ATM: variants seen among roughly 807,000 people sequenced by gnomAD.
The protein encoded by ATM is ATM serine/threonine kinase, also known as serine-protein kinase ATM.
ATM carries 308 observed loss-of-function variants against 387.0 expected under a neutral mutation model. The ratio of observed to expected loss-of-function variants is 0.80; its 90% CI spans 0.73 to 0.87. The LOEUF is 0.87. Ranked by LOEUF, ATM falls within the 40% of genes least tolerant of loss-of-function variation. The pLI is 0.00. For missense variants in ATM, 3,312 were observed against 3,560.9 expected (o/e 0.93, Z 1.78); for synonymous variants, 1,156 against 1,187.3 (o/e 0.97, Z 0.54).
chr11:108,319,125 C>T (rs1280732744), intron 43 of ATM, among the ~76,000 whole-genome samples: 6 of 151,808 alleles, frequency 4.0e-5, no homozygotes, highest in Admixed American at 6.6e-5. Flanking sequence ...TGCAGTGAGC[C>T]GAGATCATGC....
At chr11:108,272,406 C>T (rs1163448426) in intron 20 of ATM, 126 bp from the exon 21 acceptor site, 3 of 817,018 alleles carry the variant, frequency 3.7e-6, no homozygotes, top group East Asian at 2.6e-5. Context: ...GCATATTCCA[C>T]ATAATGACAA....
chr11:108,317,525 A>G lies in ATM; in HGVS notation c.6347+4A>G, dbSNP rs1342227995. On this transcript the variant is annotated splice_donor_region_variant and intron_variant, in intron 43 of 62. Transcript: ENST00000675843. ...GGGACCATTGCACTTCCGTCAGGTA[A>G]GAAATTTGACTTGATTTTTTTTTTT... is the stretch of plus-strand genomic sequence containing the variant. The G allele has an allele frequency of 1.2e-6, 2 of 1,600,640 alleles. No homozygotes were observed. Among genetic ancestry groups the G allele is most frequent in the East Asian group, 2.3e-5 (1 of 44,418 alleles).
At chr11:108,233,866 T>G (rs1302407881) in intron 4 of ATM, among the ~76,000 whole-genome samples, 2 of 134,944 alleles carry the variant, frequency 1.5e-5, no homozygotes, top group Non-Finnish European at 3.3e-5. Flanking sequence ...AGCAAAACTA[T>G]GAAAAAAAAG....
At position 108,238,830 on chromosome 11, in the gene ATM, A is replaced by T. The variant is rs560593972; in HGVS notation, c.496+2996A>T. Among the ~76,000 whole-genome samples the T allele has an allele frequency of 8.5e-5, 13 of 152,184 alleles. No individual in the cohort carries two copies. In the East Asian group the frequency reaches 2.5e-3, roughly 29 times the overall value. ...TTTATTGTGGTAAAATATATATAAC[A>T]TTTATAATTTTAACTTTTTTAAGTG... is the stretch of plus-strand genomic sequence containing the variant. On this transcript the variant is annotated intron_variant, in intron 5 of 62. Transcript: ENST00000675843.
chr11:108,297,673 A>G (rs2083200294), intron 33 of ATM, among the ~76,000 whole-genome samples: 1 of 152,182 alleles, frequency 6.6e-6, no homozygotes. Flanking sequence ...AATGTGAGTT[A>G]TGCGGTGGTC....
rs563140198 is a variant in ATM, at chr11:108,273,331, CTTTTTTTTTTTTT to C, written c.3284+494_3284+506del. On this transcript the variant is annotated intron_variant, in intron 22 of 62. Transcript: ENST00000675843. ...GGAATAAACATATATTAATTTCATT[CTTTTTTTTTTTTT>C]TTTTTTTTTTTTTTGAGATGGAGTT... Among the ~76,000 whole-genome samples the C allele has an allele frequency of 3.7e-5, 3 of 80,660 alleles. No homozygotes were observed. The East Asian group carries it at 1.1e-3, about 28-fold the overall frequency. The allele number at this position is 80,660 out of a possible 152,430, so 52.9% of individuals were successfully genotyped here.
chr11:108,242,484 G>A (rs1435568779), intron 5 of ATM, among the ~76,000 whole-genome samples: 2 of 152,170 alleles, frequency 1.3e-5, no homozygotes, highest in African/African-American at 4.8e-5. Context: ...GATTGGAAAG[G>A]AAGAAATAAC....
At chr11:108,267,655 A>G (rs1407330428) in intron 17 of ATM, among the ~76,000 whole-genome samples, 1 of 152,110 alleles carries the variant, frequency 6.6e-6, no homozygotes, top group Non-Finnish European at 1.5e-5. Context: ...TCAGGAGATC[A>G]AGACCATCCT....
At chr11:108,242,719 C>G (rs755266228) in intron 5 of ATM, among the ~76,000 whole-genome samples, 2 of 152,096 alleles carry the variant, frequency 1.3e-5, no homozygotes, top group Non-Finnish European at 2.9e-5. Context: ...CTTGAGGTTT[C>G]TCTGTTATAA....
In ATM at chr11:108,262,926, A is replaced by G. The variant is rs1322161880; in HGVS notation, c.2466+3851A>G. On this transcript the variant is annotated intron_variant, in intron 16 of 62. Coordinates refer to ENST00000675843, the MANE Select transcript of ATM (RefSeq NM_000051.4). ...TGGTAAAGGGATCAATTCAACAAGA[A>G]GAGCTAACTATCCTAAATATATATG... is the stretch of plus-strand genomic sequence containing the variant. Among the ~76,000 whole-genome samples the G allele has an allele frequency of 1.3e-4, 20 of 151,182 alleles. No individual in the cohort carries two copies. The East Asian group carries it at 1.7e-3, about 13-fold the overall frequency.
At position 108,326,066 on chromosome 11, in the gene ATM, A is replaced by T. The variant is rs1555119726; in HGVS notation, c.6816A>T (p.Glu2272Asp). Residue 2272 changes from glutamate to aspartate, a missense_variant, in exon 47 of 63, where the codon GAA (glutamate) becomes GAT (aspartate). Glu to Asp is a conservative substitution (Grantham distance 45). Transcript: ENST00000675843. ...TGTCATTTTCATTTCAGCTCCCTGAAAGGGCAATATTTCAAATTAAACAGT... is the reference window on the plus strand; with the variant it reads ...TGTCATTTTCATTTCAGCTCCCTGATAGGGCAATATTTCAAATTAAACAGT... ...ARTFKNTQLP[E>D]RAIFQIKQYN... The T allele has an allele frequency of 6.2e-7, 1 of 1,614,116 alleles. No individual in the cohort carries two copies. The highest frequency in any genetic ancestry group is 1.1e-5 in the South Asian group (1 of 91,088).
rs182663175 is a variant in ATM, at chr11:108,302,839, C to A, written c.5320-14C>A. On this transcript the variant is annotated splice_polypyrimidine_tract_variant and intron_variant, in intron 35 of 62. Transcript: ENST00000675843. ...ACTTCTCTTATTTACATTTTCTAAT[C>A]CCTTTCTTTCTAGTTTTTAGAAGTA... is the stretch of plus-strand genomic sequence containing the variant. 1 of 1,599,106 alleles carries A rather than the reference C, an allele frequency of 6.3e-7. No homozygotes were observed. The highest frequency in any genetic ancestry group is 2.2e-5 in the East Asian group (1 of 44,686).
intron 49 of ATM, among the ~76,000 whole-genome samples, chr11:108,329,905 C>A (rs978988491): frequency 6.6e-6 from 1 of 152,132 alleles, no homozygotes; most frequent in Admixed American, 6.5e-5. Context: ...ACAAAAGTTA[C>A]CTATTTTGAT....
intron 8 of ATM, among the ~76,000 whole-genome samples, chr11:108,247,401 G>T (rs1013872765): frequency 6.6e-6 from 1 of 151,952 alleles, no homozygotes; most frequent in East Asian, 1.9e-4. Context: ...CTAATGATTC[G>T]ATTCGACTCG....
intron 39 of ATM, among the ~76,000 whole-genome samples, chr11:108,312,101 A>G (rs931791585): frequency 9.9e-5 from 15 of 152,214 alleles, no homozygotes; most frequent in Admixed American, 6.5e-4. Context: ...AGGTGAAACC[A>G]CTGACAGAGT....
chr11:108,274,531 C>T (rs1422498735), intron 22 of ATM, among the ~76,000 whole-genome samples: 1 of 152,236 alleles, frequency 6.6e-6, no homozygotes, highest in African/African-American at 2.4e-5. Flanking sequence ...CCTCTAAACA[C>T]TGCTTTAGCT....
chr11:108,327,411 C>T, intron 47 of ATM: 2 of 468,304 alleles, frequency 4.3e-6, no homozygotes, highest in Non-Finnish European at 7.8e-6. Context: ...TATAAGTACT[C>T]AATAAATGTG....
In ATM at chr11:108,345,658, CTGTCATATTTTTATATAAAAA is replaced by C. The variant is rs1565562860; in HGVS notation, c.8419-81_8419-61del. On this transcript the variant is annotated intron_variant, in intron 57 of 62. Coordinates refer to ENST00000675843, the MANE Select transcript of ATM (RefSeq NM_000051.4). ...CTGTTCATCTTTATTGCCCCTATAT[CTGTCATATTTTTATATAAAAA>C]TGTGTATATTAGTTTAATTGAACAC... 7.0e-6 allele frequency: 8 copies of C among 1,138,586 alleles called. No individual in the cohort carries two copies. In the African/African-American group the frequency reaches 1.1e-4, roughly 16 times the overall value. The allele number at this position is 1,138,586 out of a possible 1,614,324, so 70.5% of individuals were successfully genotyped here.
At chr11:108,290,368 A>G (rs1049490136) in intron 29 of ATM, 8 of 152,098 alleles carry the variant, frequency 5.3e-5, no homozygotes, top group African/African-American at 1.4e-4. Context: ...GCTCACACCT[A>G]TAATCCCAGC....
Sources: gnomAD v4.1 joint callset for allele counts (sites outside exome capture counted in the v4.1 genomes callset) on GRCh38, gnomAD v4.1.1 for gene constraint, MANE v1.5 for transcripts, NCBI Gene and HGNC (gene_info 2026-07-23, HGNC 2026-07-21) for gene names.